Variants in MED12L observed in about 807,000 individuals in gnomAD.
The protein encoded by MED12L is mediator of RNA polymerase II transcription subunit 12-like protein.
Under a neutral mutation model 281.3 loss-of-function variants are expected in MED12L, and 60 were observed. The observed-to-expected ratio is 0.21, with a 90% confidence interval of 0.17 to 0.26. MED12L has a LOEUF of 0.26. Ranked by LOEUF, MED12L falls within the 10% of genes least tolerant of loss-of-function variation. The pLI is 1.00. For synonymous variants in MED12L, 974 were observed against 987.2 expected (o/e 0.99, Z 0.25); for missense variants, 2,146 against 2,680.9 (o/e 0.80, Z 4.41).
chr3:151,418,471 C>T (rs1366742812), intron 43 of MED12L, among the ~76,000 whole-genome samples: 2 of 152,082 alleles, frequency 1.3e-5, no homozygotes, highest in Non-Finnish European at 2.9e-5. Flanking sequence ...TTTTTGTCTT[C>T]ATGAAGTTGA....
At chr3:151,096,063 A>G (rs181174620) in intron 2 of MED12L, among the ~76,000 whole-genome samples, 20 of 152,314 alleles carry the variant, frequency 1.3e-4, no homozygotes, top group African/African-American at 2.9e-4. Context: ...TTAGTTTTCT[A>G]TCTTTGGAAA....
At chr3:151,385,002 A>ACTCT (rs549864983) in intron 35 of MED12L, 28 bp from the exon 36 acceptor site, 2 of 1,150,926 alleles carry the variant, frequency 1.7e-6, no homozygotes, top group Non-Finnish European at 2.6e-6. Flanking sequence ...CCCACTTCTC[A>ACTCT]CTCTCTCTCT....
In MED12L at chr3:151,360,614, A is replaced by C; in HGVS notation, c.2957+9A>C. On this transcript the variant is annotated intron_variant, in intron 21 of 44. Coordinates refer to ENST00000687756, the MANE Select transcript of MED12L (RefSeq NM_001393769.1). ...TTTGGAGACCTCTTCAGGTGAGTAG[A>C]AGAGACTCAAAAGGACAGAAATAGG... 1 of 1,606,876 alleles carries C rather than the reference A, an allele frequency of 6.2e-7. No homozygotes were observed. The highest frequency in any genetic ancestry group is 1.3e-5 in the African/African-American group (1 of 74,714).
intron 43 of MED12L, among the ~76,000 whole-genome samples, chr3:151,416,954 A>G (rs1022700999): frequency 6.6e-6 from 1 of 152,230 alleles, no homozygotes; most frequent in Non-Finnish European, 1.5e-5. Context: ...ATAGCCATCA[A>G]AGTTTTCTAA....
chr3:151,187,803 A>G (rs1478468376), intron 12 of MED12L, among the ~76,000 whole-genome samples: 1 of 152,218 alleles, frequency 6.6e-6, no homozygotes, highest in Admixed American at 6.5e-5. Context: ...TTTCTCCAAA[A>G]ACACAAATAA....
intron 44 of MED12L, among the ~76,000 whole-genome samples, chr3:151,431,306 C>T (rs557541488): frequency 8.8e-4 from 134 of 152,268 alleles, no homozygotes; most frequent in African/African-American, 3.0e-3. Flanking sequence ...GTCTGGTAGC[C>T]TGCTGAGACA....
intron 43 of MED12L, among the ~76,000 whole-genome samples, chr3:151,428,645 T>G (rs1719127348): frequency 6.6e-6 from 1 of 152,210 alleles, no homozygotes; most frequent in Admixed American, 6.5e-5. Context: ...GAGAGAAAGT[T>G]GAACCAGCTG....
At chr3:151,431,818 A>G (rs1007250197) in intron 44 of MED12L, among the ~76,000 whole-genome samples, 3 of 152,202 alleles carry the variant, frequency 2.0e-5, no homozygotes, top group Admixed American at 6.5e-5. Flanking sequence ...AGGACTTTCC[A>G]TGTATTGATT....
intron 11 of MED12L, among the ~76,000 whole-genome samples, chr3:151,169,275 C>T (rs1457751059): frequency 6.6e-6 from 1 of 151,560 alleles, no homozygotes; most frequent in Non-Finnish European, 1.5e-5. Context: ...CCTGCCGTCA[C>T]GCCCGGTTAA....
intron 16 of MED12L, among the ~76,000 whole-genome samples, chr3:151,247,774 C>CAA (rs149547852): frequency 3.7e-4 from 53 of 142,064 alleles, no homozygotes; most frequent in African/African-American, 7.7e-4. Flanking sequence ...AAAAAAAAAG[C>CAA]AAAAAAAAAA....
chr3:151,383,554 A>G lies in MED12L; in HGVS notation c.4681-225A>G, dbSNP rs568513189. Among the ~76,000 whole-genome samples the G allele has an allele frequency of 5.3e-5, 8 of 152,322 alleles. No homozygotes were observed. In the East Asian group the frequency reaches 9.6e-4, roughly 18 times the overall value. On this transcript the variant is annotated intron_variant, in intron 33 of 44. Transcript: ENST00000687756. ...TATTGGTGCCCACATTCAGATACTC[A>G]CGTCCCTTCTTCATTTTAGTTAATG...
At chr3:151,183,982 A>G (rs1450620825) in intron 11 of MED12L, among the ~76,000 whole-genome samples, 2 of 152,142 alleles carry the variant, frequency 1.3e-5, no homozygotes, top group Non-Finnish European at 2.9e-5. Context: ...TTTTATGTTC[A>G]TATAGGTTAG....
chr3:151,379,253 A>G (rs1437116111), intron 31 of MED12L, among the ~76,000 whole-genome samples: 2 of 152,238 alleles, frequency 1.3e-5, no homozygotes, highest in African/African-American at 4.8e-5. Context: ...TCCCATAGGC[A>G]GGACAGATGG....
At chr3:151,154,891 C>T (rs567349910) in intron 5 of MED12L, among the ~76,000 whole-genome samples, 11 of 152,280 alleles carry the variant, frequency 7.2e-5, no homozygotes, top group Admixed American at 2.6e-4. Flanking sequence ...AACTATTAAA[C>T]TAGGAACAGA....
chr3:151,235,929 C>A (rs562912451), intron 16 of MED12L, among the ~76,000 whole-genome samples: 2 of 152,174 alleles, frequency 1.3e-5, no homozygotes, highest in South Asian at 4.2e-4. Context: ...TTTCTCTTGT[C>A]TCCCTTTGTT....
intron 3 of MED12L, among the ~76,000 whole-genome samples, chr3:151,120,430 A>T (rs992967923): frequency 9.8e-5 from 15 of 152,340 alleles, no homozygotes; most frequent in African/African-American, 3.1e-4. Context: ...GTGAAAGGCT[A>T]CTTATTTTAG....
At chr3:151,382,808 C>G in intron 33 of MED12L, 63 bp downstream of exon 33, 1 of 1,308,592 alleles carries the variant, frequency 7.6e-7, no homozygotes, top group Non-Finnish European at 1.1e-6. Context: ...ATACCTCCAG[C>G]TTTCCACTTC....
chr3:151,354,907 G>T (rs993782784), intron 17 of MED12L, among the ~76,000 whole-genome samples: 1 of 152,188 alleles, frequency 6.6e-6, no homozygotes, highest in East Asian at 1.9e-4. Context: ...TGATCTCCTA[G>T]GGAGGGAGAC....
rs558724232 is a variant in MED12L at position 151,366,667 on chromosome 3, A to G, written c.3327+676A>G. On this transcript the variant is annotated intron_variant, in intron 23 of 44. Coordinates refer to ENST00000687756, the MANE Select transcript of MED12L (RefSeq NM_001393769.1). Reference sequence around the variant, plus strand: ...ATCTCTTATGCATAGTTCTTTATACATCTTTACACCTGCCTCTCAGTTGAA... The same window carrying G: ...ATCTCTTATGCATAGTTCTTTATACGTCTTTACACCTGCCTCTCAGTTGAA... Among the ~76,000 whole-genome samples, 121 of 152,104 alleles carry G rather than the reference A, an allele frequency of 8.0e-4. 1 individual carries two copies. The highest frequency in any genetic ancestry group is 2.7e-3 in the African/African-American group (112 of 41,498).
Sources: gnomAD v4.1 joint callset for allele counts (sites outside exome capture counted in the v4.1 genomes callset) on GRCh38, gnomAD v4.1.1 for gene constraint, MANE v1.5 for transcripts, NCBI Gene and HGNC (gene_info 2026-07-23, HGNC 2026-07-21) for gene names.